The following HIPK2 variants were observed in gnomAD, a reference collection of about 807,000 sequenced individuals.
The protein encoded by HIPK2 is homeodomain interacting protein kinase 2.
HIPK2 carries 27 observed loss-of-function variants against 113.7 expected under a neutral mutation model. The ratio of observed to expected loss-of-function variants is 0.24; its 90% CI spans 0.17 to 0.33. The LOEUF is 0.33. Ranked by LOEUF, HIPK2 falls within the 10% of genes least tolerant of loss-of-function variation. The probability of loss-of-function intolerance (pLI) is 1.00; values close to 1 mark genes in which losing one functional copy is unlikely to be tolerated. For missense variants in HIPK2, 1,257 were observed against 1,588.0 expected (o/e 0.79, Z 3.54); for synonymous variants, 631 against 642.2 (o/e 0.98, Z 0.26).
intron 2 of HIPK2, among the ~76,000 whole-genome samples, chr7:139,651,594 G>A (rs947955249): frequency 3.3e-5 from 5 of 152,184 alleles, no homozygotes; most frequent in Non-Finnish European, 5.9e-5. Flanking sequence ...ACTTGAGTTC[G>A]TGACTCCTAG....
Position 139,562,020 on chromosome 7 carries a change from A to C in HIPK2, c.*10907T>G, listed in dbSNP as rs1797962355. 1 of 152,256 alleles carries C rather than the reference A, an allele frequency of 6.6e-6. No individual in the cohort carries two copies. The highest frequency in any genetic ancestry group is 2.1e-4 in the South Asian group (1 of 4,830). The allele number at this position is 152,256 out of a possible 1,614,324, so 9.4% of individuals were successfully genotyped here. On this transcript the variant is annotated 3_prime_UTR_variant, in exon 15 of 15. Coordinates refer to ENST00000406875, the MANE Select transcript of HIPK2 (RefSeq NM_022740.5). ...CTTGTAAAACATTCTAAAGCCAAGT[A>C]AAATATCCATTCTTATAACATACCT...
At chr7:139,663,462 G>C (rs1801937304) in intron 2 of HIPK2, among the ~76,000 whole-genome samples, 1 of 152,172 alleles carries the variant, frequency 6.6e-6, no homozygotes. Flanking sequence ...CTGACGTTCG[G>C]ATATGACACT....
intron 2 of HIPK2, among the ~76,000 whole-genome samples, chr7:139,710,867 C>T (rs1294031707): frequency 6.6e-6 from 1 of 152,088 alleles, no homozygotes; most frequent in Non-Finnish European, 1.5e-5. Flanking sequence ...GCACCTACCC[C>T]ACCTCTCTCT....
chr7:139,672,090 A>AC (rs1802323311), intron 2 of HIPK2, among the ~76,000 whole-genome samples: 1 of 152,160 alleles, frequency 6.6e-6, no homozygotes, highest in African/African-American at 2.4e-5. Flanking sequence ...TTACTCATTC[A>AC]TTGTTCAATA....
chr7:139,579,187 G>A (rs1204424281), intron 13 of HIPK2, among the ~76,000 whole-genome samples: 1 of 152,170 alleles, frequency 6.6e-6, no homozygotes, highest in Non-Finnish European at 1.5e-5. Context: ...ATTTGAGGAA[G>A]GTGCCCAAAG....
At chr7:139,619,048 CA>C (rs1283115361) in intron 7 of HIPK2, among the ~76,000 whole-genome samples, 1 of 152,184 alleles carries the variant, frequency 6.6e-6, no homozygotes, top group Non-Finnish European at 1.5e-5. Flanking sequence ...TTCAAGAATG[CA>C]AACGGCCCCC....
intron 9 of HIPK2, among the ~76,000 whole-genome samples, chr7:139,611,144 G>C (rs1205451536): frequency 1.3e-5 from 2 of 152,170 alleles, no homozygotes; most frequent in African/African-American, 4.8e-5. Flanking sequence ...TCATTGGGTT[G>C]GTACCTGTCA....
intron 1 of HIPK2, among the ~76,000 whole-genome samples, chr7:139,756,404 C>T (rs1796363589): frequency 1.3e-5 from 2 of 152,034 alleles, no homozygotes; most frequent in African/African-American, 4.8e-5. Context: ...AATTACTAGA[C>T]TTTATTTAGT....
intron 1 of HIPK2, among the ~76,000 whole-genome samples, chr7:139,760,334 C>T (rs1298296380): frequency 1.3e-5 from 2 of 152,088 alleles, no homozygotes; most frequent in Admixed American, 6.6e-5. Flanking sequence ...CCTTCAGCCA[C>T]GTAATGCATT....
chr7:139,582,863 C>G (rs80060909), intron 13 of HIPK2, among the ~76,000 whole-genome samples: 1 of 152,162 alleles, frequency 6.6e-6, no homozygotes, highest in Non-Finnish European at 1.5e-5. Flanking sequence ...CCTGCCTCTA[C>G]GCTTCATCCT....
chr7:139,734,671 CTCTT>C (rs1795888742), intron 1 of HIPK2, among the ~76,000 whole-genome samples: 1 of 152,224 alleles, frequency 6.6e-6, no homozygotes, highest in Non-Finnish European at 1.5e-5. Context: ...ATTCTGTACT[CTCTT>C]TATCACTGAA....
intron 6 of HIPK2, among the ~76,000 whole-genome samples, chr7:139,624,886 G>A (rs1472918791): frequency 3.9e-5 from 6 of 152,188 alleles, no homozygotes; most frequent in Admixed American, 3.9e-4. Flanking sequence ...AACGATTCAT[G>A]TCGAACCTCA....
chr7:139,613,453 T>C lies in HIPK2; in HGVS notation c.1991-130A>G. ...GCACTGGTCACTGACAACAACCAGG[T>C]ATTGCCTGGTCCTTGGAAGTCTCCC... On this transcript the variant is annotated intron_variant, in intron 8 of 14. Coordinates refer to ENST00000406875, the MANE Select transcript of HIPK2 (RefSeq NM_022740.5). This position sits in a 1 kb window ranked among gnomAD's most constrained non-coding sequence, Gnocchi z 4.2. 20 of 1,055,608 alleles carry C rather than the reference T, an allele frequency of 1.9e-5. No homozygotes were observed. The highest frequency in any genetic ancestry group is 2.7e-5 in the Non-Finnish European group (20 of 741,794). 65.4% of individuals were successfully genotyped at this position (1,055,608 alleles called of 1,614,324 possible). A position where few individuals can be genotyped will look rare whatever the true frequency, so the allele number is the denominator to read the frequency against.
chr7:139,596,749 G>T lies in HIPK2; in HGVS notation c.2685C>A (p.Asp895Glu), dbSNP rs371213842. The T allele has an allele frequency of 3.1e-6, 5 of 1,613,026 alleles. No individual in the cohort carries two copies. The African/African-American group carries it at 5.3e-5, about 17-fold the overall frequency. The stretch of plus-strand genomic sequence containing the variant: ...GGGCGTGTTTCTGTTCCTCCTCCTC[G>T]TCCGTGTCACTGCTGATGGTGATGA... ...VSVITISSDT[D>E]EEEEQKHAPT... Residue 895 changes from aspartate (D) to glutamate (E), a missense_variant, in exon 12 of 15, where the codon GAC (aspartate) becomes GAA (glutamate). Coordinates refer to ENST00000406875, the MANE Select transcript of HIPK2 (RefSeq NM_022740.5).
intron 2 of HIPK2, among the ~76,000 whole-genome samples, chr7:139,662,763 G>A (rs890708091): frequency 1.3e-5 from 2 of 151,988 alleles, no homozygotes; most frequent in African/African-American, 4.8e-5. Flanking sequence ...GGGATTACAG[G>A]TGCACGCCAC....
rs888666427 is a variant in HIPK2 at position 139,777,805 on chromosome 7, GCGC to G, written c.-185_-183del. Reference sequence around the variant, plus strand: ...CCGGCGCCGGGGGAGGGGGCCGGGCGCGCCGCCGCCGCCGCCGCCGCCGCTGCC... The same window carrying G: ...CCGGCGCCGGGGGAGGGGGCCGGGCGCGCCGCCGCCGCCGCCGCCGCTGCC... On this transcript the variant is annotated 5_prime_UTR_variant, in exon 1 of 15. Coordinates refer to ENST00000406875, the MANE Select transcript of HIPK2 (RefSeq NM_022740.5). 111 of 382,092 alleles carry G rather than the reference GCGC, an allele frequency of 2.9e-4. No homozygotes were observed. The highest frequency in any genetic ancestry group is 1.3e-3 in the Middle Eastern group (1 of 776). 23.7% of individuals were successfully genotyped at this position (382,092 alleles called of 1,614,324 possible).
intron 2 of HIPK2, among the ~76,000 whole-genome samples, chr7:139,638,323 C>T (rs1019163097): frequency 1.3e-5 from 2 of 152,176 alleles, no homozygotes; most frequent in Non-Finnish European, 2.9e-5. Context: ...CAGATACAGC[C>T]TGCTCCCCTC....
intron 1 of HIPK2, among the ~76,000 whole-genome samples, chr7:139,773,236 C>T (rs954658591): frequency 6.6e-6 from 1 of 152,172 alleles, no homozygotes; most frequent in Admixed American, 6.5e-5. Context: ...TGGCCTAAGT[C>T]ACAGTGATCA....
intron 2 of HIPK2, among the ~76,000 whole-genome samples, chr7:139,665,429 C>T (rs1264333475): frequency 6.6e-6 from 1 of 152,136 alleles, no homozygotes; most frequent in African/African-American, 2.4e-5. Context: ...AAAATAAAAC[C>T]CAACAAACTC....
Sources: allele counts gnomAD v4.1 joint callset (sites outside exome capture counted in the v4.1 genomes callset), GRCh38; gene constraint gnomAD v4.1.1; non-coding constraint Gnocchi (gnomAD v3.1); transcripts MANE v1.5; gene names NCBI Gene and HGNC (gene_info 2026-07-23, HGNC 2026-07-21).